PSD3: variants seen among roughly 807,000 people sequenced by gnomAD.
The protein encoded by PSD3 is PH and SEC7 domain-containing protein 3.
PSD3 carries 49 observed loss-of-function variants against 105.5 expected under a neutral mutation model. The observed-to-expected ratio is 0.46, with a 90% confidence interval of 0.37 to 0.59. PSD3 has a LOEUF of 0.59. PSD3 is among the 20% of genes least tolerant of loss of function. The probability of loss-of-function intolerance (pLI) is 0.00; values close to 1 mark genes in which losing one functional copy is unlikely to be tolerated. For missense variants in PSD3, 1,561 were observed against 1,263.8 expected (o/e 1.24, Z -3.57); for synonymous variants, 557 against 457.8 (o/e 1.22, Z -2.77).
At chr8:18,995,491 A>T (rs1268793551) in intron 1 of PSD3, among the ~76,000 whole-genome samples, 1 of 152,050 alleles carries the variant, frequency 6.6e-6, no homozygotes, top group Non-Finnish European at 1.5e-5. Flanking sequence ...ATAGAGAAGT[A>T]GAGGAAGAGC....
intron 2 of PSD3, among the ~76,000 whole-genome samples, chr8:18,895,160 C>T (rs955192742): frequency 1.3e-5 from 2 of 152,160 alleles, no homozygotes; most frequent in African/African-American, 4.8e-5. Context: ...GAACTGTGTG[C>T]CCCCTGCACC....
chr8:18,642,866 A>G (rs1472072113), intron 10 of PSD3, among the ~76,000 whole-genome samples: 2 of 152,202 alleles, frequency 1.3e-5, no homozygotes, highest in Admixed American at 1.3e-4. Context: ...TTGGCCTTTT[A>G]AAGCTAAGAA....
chr8:18,729,103 A>C (rs1803542232), intron 9 of PSD3, among the ~76,000 whole-genome samples: 1 of 152,176 alleles, frequency 6.6e-6, no homozygotes, highest in Non-Finnish European at 1.5e-5. Flanking sequence ...AACAACTAAC[A>C]GAGACTAATA....
intron 1 of PSD3, among the ~76,000 whole-genome samples, chr8:19,077,269 G>C (rs1829488634): frequency 6.6e-6 from 1 of 152,192 alleles, no homozygotes; most frequent in Admixed American, 6.5e-5. Flanking sequence ...GTAAGTGCTT[G>C]AATAATTCCC....
chr8:18,997,176 ACC>A (rs2066675746), intron 1 of PSD3, among the ~76,000 whole-genome samples: 2 of 151,766 alleles, frequency 1.3e-5, no homozygotes, highest in South Asian at 4.2e-4. Flanking sequence ...TTCACCTCTA[ACC>A]CAGCCCCTTC....
Position 18,790,506 on chromosome 8 carries a change from G to C in PSD3, c.2082+8789C>G, listed in dbSNP as rs879617474. The stretch of plus-strand genomic sequence containing the variant: ...TTTAGTAGAGATGGGGTTTCACCAT[G>C]TTAGCCAGGATGGTCTCTATCTCCT... On this transcript the variant is annotated intron_variant, in intron 8 of 15. Transcript: ENST00000327040. Among the ~76,000 whole-genome samples the C allele has an allele frequency of 7.4e-4, 113 of 151,882 alleles. 2 individuals carry two copies. Among genetic ancestry groups the C allele is most frequent in the Non-Finnish European group, 2.4e-4 (16 of 67,980 alleles).
intron 4 of PSD3, among the ~76,000 whole-genome samples, chr8:18,827,833 G>T (rs1260556417): frequency 1.3e-5 from 2 of 151,152 alleles, no homozygotes. Flanking sequence ...TAGACTTCAA[G>T]GTTTCTGACT....
At chr8:18,932,925 A>G (rs1306470274) in intron 2 of PSD3, among the ~76,000 whole-genome samples, 1 of 152,226 alleles carries the variant, frequency 6.6e-6, no homozygotes, top group South Asian at 2.1e-4. Flanking sequence ...CACCTCCTCC[A>G]TGAAGTTATC....
chr8:18,616,567 T>C (rs1805682907), intron 11 of PSD3, among the ~76,000 whole-genome samples: 1 of 152,030 alleles, frequency 6.6e-6, no homozygotes, highest in Admixed American at 6.5e-5. Flanking sequence ...ACTTGTGAGA[T>C]TTCATTTACT....
intron 2 of PSD3, among the ~76,000 whole-genome samples, chr8:18,905,935 C>A (rs1398955786): frequency 6.6e-6 from 1 of 152,096 alleles, no homozygotes; most frequent in Non-Finnish European, 1.5e-5. Flanking sequence ...TAAATTGGTT[C>A]TTTGATCTTT....
chr8:18,869,569 C>T (rs77215626), intron 3 of PSD3, among the ~76,000 whole-genome samples: 1 of 152,202 alleles, frequency 6.6e-6, no homozygotes, highest in Non-Finnish European at 1.5e-5. Context: ...GCAGGAAGCA[C>T]ACACTAGTCA....
At chr8:18,783,587 A>G (rs150432487) in intron 8 of PSD3, among the ~76,000 whole-genome samples, 1 of 152,184 alleles carries the variant, frequency 6.6e-6, no homozygotes, top group East Asian at 1.9e-4. Flanking sequence ...CAATTTGGCA[A>G]TTCATCAGCT....
At chr8:18,791,702 T>C (rs561778275) in intron 8 of PSD3, among the ~76,000 whole-genome samples, 2 of 152,146 alleles carry the variant, frequency 1.3e-5, no homozygotes, top group Admixed American at 6.5e-5. Flanking sequence ...TCAAAAGCAA[T>C]TGGAATAAAA....
intron 10 of PSD3, among the ~76,000 whole-genome samples, chr8:18,646,226 G>A (rs1393983985): frequency 6.6e-6 from 1 of 152,012 alleles, no homozygotes; most frequent in Non-Finnish European, 1.5e-5. Context: ...TCATTTTAAA[G>A]TTCCCTCATA....
chr8:18,827,634 G>A (rs1330407437), intron 4 of PSD3, among the ~76,000 whole-genome samples: 1 of 152,138 alleles, frequency 6.6e-6, no homozygotes, highest in Admixed American at 6.5e-5. Flanking sequence ...TTTTTTAAGA[G>A]GGTGAGACTG....
chr8:18,601,022 T>G (rs918510385), intron 11 of PSD3, among the ~76,000 whole-genome samples: 3 of 152,248 alleles, frequency 2.0e-5, no homozygotes, highest in Admixed American at 1.3e-4. Context: ...TTCGTCTAAA[T>G]GTCTCTTTCA....
At chr8:18,568,959 T>C (rs1003577706) in intron 14 of PSD3, among the ~76,000 whole-genome samples, 9 of 148,618 alleles carry the variant, frequency 6.1e-5, no homozygotes, top group African/African-American at 2.2e-4. Flanking sequence ...ATGTGGTGTT[T>C]GGTTTTTTGT....
intron 9 of PSD3, among the ~76,000 whole-genome samples, chr8:18,685,754 C>A (rs1034372947): frequency 6.6e-6 from 1 of 152,150 alleles, no homozygotes; most frequent in Non-Finnish European, 1.5e-5. Context: ...TTAGTTCTAA[C>A]TTAAGCAGAC....
At chr8:18,558,626 G>C (rs187921544) in intron 14 of PSD3, among the ~76,000 whole-genome samples, 72 of 152,064 alleles carry the variant, frequency 4.7e-4, no homozygotes, top group Non-Finnish European at 9.4e-4. Context: ...TTTGAGACCA[G>C]CCTGACTAAC....
Sources: gnomAD v4.1 joint callset for allele counts (sites outside exome capture counted in the v4.1 genomes callset) on GRCh38, gnomAD v4.1.1 for gene constraint, MANE v1.5 for transcripts, NCBI Gene and HGNC (gene_info 2026-07-23, HGNC 2026-07-21) for gene names.